PTCH1: variants seen among roughly 807,000 people sequenced by gnomAD.
The protein encoded by PTCH1 is patched 1.
Under a neutral mutation model 144.6 loss-of-function variants are expected in PTCH1, and 14 were observed. The observed-to-expected ratio is 0.10, with a 90% confidence interval of 0.06 to 0.15. PTCH1 has a LOEUF of 0.15. Ranked by LOEUF, PTCH1 falls within the 10% of genes least tolerant of loss-of-function variation. PTCH1 has a pLI of 1.00. For synonymous variants in PTCH1, 833 were observed against 793.6 expected (o/e 1.05, Z -0.83); for missense variants, 1,623 against 1,948.3 (o/e 0.83, Z 3.14).
intron 23 of PTCH1, 68 bp from the exon 24 acceptor site, chr9:95,446,459 C>G: frequency 2.0e-6 from 1 of 510,840 alleles, no homozygotes; most frequent in African/African-American, 1.9e-5. Flanking sequence ...TTATAAAGTA[C>G]AAAAGCAGGC....
At chr9:95,478,948 T>C (rs1402221305) in intron 8 of PTCH1, 52 bp downstream of exon 8, 2 of 1,612,282 alleles carry the variant, frequency 1.2e-6, no homozygotes, top group Admixed American at 3.3e-5. Context: ...ATGGTGAAAA[T>C]GAAGAATTGC....
intron 2 of PTCH1, 162 bp downstream of exon 2, chr9:95,506,245 C>G (rs1843618103): frequency 5.1e-6 from 4 of 790,898 alleles, no homozygotes; most frequent in Non-Finnish European, 7.6e-6. Context: ...GTCGGGCGGG[C>G]CTGGCTCCCG....
In PTCH1 at chr9:95,453,377, G is replaced by A. The variant is rs376806750; in HGVS notation, c.3449+101C>T. Reference sequence around the variant, plus strand: ...AACTCCTTGACCTTCTGATCCACCCGCCTCGGCCTCCTAAAGTGCTGGGAT... The same window carrying A: ...AACTCCTTGACCTTCTGATCCACCCACCTCGGCCTCCTAAAGTGCTGGGAT... On this transcript the variant is annotated intron_variant, in intron 20 of 23. Transcript: ENST00000331920. The A allele has an allele frequency of 2.9e-5, 45 of 1,553,144 alleles. No individual in the cohort carries two copies. The East Asian group carries it at 8.2e-4, about 28-fold the overall frequency.
At chr9:95,513,688 A>G (rs918824836), upstream of PTCH1, among the ~76,000 whole-genome samples, 14 of 152,312 alleles carry the variant, frequency 9.2e-5, no homozygotes, top group Admixed American at 3.3e-4. Flanking sequence ...GTGATGGTAG[A>G]AAATGAGTCT....
intron 2 of PTCH1, 156 bp downstream of exon 2, chr9:95,506,251 T>C: frequency 1.2e-6 from 1 of 863,298 alleles, no homozygotes; most frequent in Non-Finnish European, 1.7e-6. Context: ...CGGGCCTGGC[T>C]CCCGGCCAGG....
chr9:95,476,835 C>T lies in PTCH1; in HGVS notation c.1526G>A (p.Gly509Asp), dbSNP rs1060502268. ...TTQVLPFLAL[G>D]VGVDDVFLLA... ...AAGAAAAACATCATCCACACCAACA[C>T]CAAGAGCGAGAAATGGCAAAACCTA... The change falls in exon 11 of 24, where the codon GGT becomes GAT. Residue 509 changes from glycine to aspartate, a missense_variant. By Grantham distance (94) the Gly-to-Asp change is moderately conservative. Coordinates refer to ENST00000331920, the MANE Select transcript of PTCH1 (RefSeq NM_000264.5). This position sits in a 1 kb window ranked among gnomAD's most constrained non-coding sequence, Gnocchi z 4.6. 6.2e-7 allele frequency: 1 copy of T among 1,614,034 alleles called. No individual in the cohort carries two copies.
rs202052415 is a variant in PTCH1, at chr9:95,456,335, C to T, written c.3247G>A (p.Val1083Met). ...CCAACAGAAGCGATCAGGATGACCACGGGCACGGCACTGAGCTTGATTCCG... is the reference window on the plus strand; with the variant it reads ...CCAACAGAAGCGATCAGGATGACCATGGGCACGGCACTGAGCTTGATTCCG... ...LIGIKLSAVP[V>M]VILIASVGIG... Residue 1083 changes from valine to methionine, a missense_variant, in exon 19 of 24, where the codon GTG becomes ATG. Val to Met is a conservative substitution (Grantham distance 21). This residue lies in a region of PTCH1 where 504 missense variants were observed against 679.3 expected (regional missense o/e 0.74). Transcript: ENST00000331920. 5.7e-5 allele frequency: 92 copies of T among 1,614,084 alleles called. No individual in the cohort carries two copies. Among genetic ancestry groups the T allele is most frequent in the South Asian group, 3.2e-4 (29 of 91,088 alleles).
chr9:95,475,493 AC>A (rs2118234244), intron 12 of PTCH1, among the ~76,000 whole-genome samples: 1 of 152,270 alleles, frequency 6.6e-6, no homozygotes, highest in East Asian at 1.9e-4. Flanking sequence ...ACCGAGGCGG[AC>A]CCTGCAGGAA....
rs1843998494 is a variant in PTCH1 at position 95,509,121 on chromosome 9, G to A, written c.-760C>T. ...TGTCCCCGTGCAGCGCGCCTCTCTC[G>A]CTCCCGGGACCTGGGGACTCCGCTC... On this transcript the variant is annotated 5_prime_UTR_variant, in exon 1 of 24. Coordinates refer to ENST00000331920, the MANE Select transcript of PTCH1 (RefSeq NM_000264.5). Among the ~76,000 whole-genome samples, 1 of 152,060 alleles carries A rather than the reference G, an allele frequency of 6.6e-6. No individual in the cohort carries two copies. Among genetic ancestry groups the A allele is most frequent in the Non-Finnish European group, 1.5e-5 (1 of 67,990 alleles).
intron 1 of PTCH1, chr9:95,507,750 A>T (rs889192038): frequency 1.4e-5 from 3 of 212,384 alleles, no homozygotes; most frequent in Non-Finnish European, 2.5e-5. Flanking sequence ...GCAGCCGTAC[A>T]GGAGTTTAGG....
chr9:95,476,640 C>T lies in PTCH1; in HGVS notation c.1602+119G>A. 1.0e-6 allele frequency: 1 copy of T among 956,838 alleles called. No individual in the cohort carries two copies. The highest frequency in any genetic ancestry group is 1.6e-6 in the Non-Finnish European group (1 of 607,146). The allele number at this position is 956,838 out of a possible 1,614,324, so 59.3% of individuals were successfully genotyped here. ...CATTGACTGGCAGCCAGTGACACATCATCTGACATGGGACTGAAATCTTTA... is the reference window on the plus strand; with the variant it reads ...CATTGACTGGCAGCCAGTGACACATTATCTGACATGGGACTGAAATCTTTA... On this transcript the variant is annotated intron_variant, in intron 11 of 23. Coordinates refer to ENST00000331920, the MANE Select transcript of PTCH1 (RefSeq NM_000264.5). The surrounding 1 kb of genome is among the most constrained non-coding windows in gnomAD (Gnocchi z 4.6).
chr9:95,449,957 A>G lies in PTCH1; in HGVS notation c.3450-17T>C. On this transcript the variant is annotated splice_polypyrimidine_tract_variant and intron_variant, in intron 20 of 23. Transcript: ENST00000331920. The surrounding 1 kb of genome is among the most constrained non-coding windows in gnomAD (Gnocchi z 5.3). ...AAGAAATACCTGGGAGATCAAGAGG[A>G]AACGGGAACACGCGCTGTGACAGGG... 6.2e-7 allele frequency: 1 copy of G among 1,606,664 alleles called. No homozygotes were observed. Among genetic ancestry groups the G allele is most frequent in the Non-Finnish European group, 8.5e-7 (1 of 1,173,334 alleles).
At chr9:95,478,690 T>C (rs1426729569) in intron 8 of PTCH1, among the ~76,000 whole-genome samples, 1 of 152,138 alleles carries the variant, frequency 6.6e-6, no homozygotes, top group Non-Finnish European at 1.5e-5. Context: ...ACAGATTCTA[T>C]GCCTTGCTAA....
intron 8 of PTCH1, 148 bp downstream of exon 8, chr9:95,478,849 AAAG>A (rs1324533709): frequency 1.0e-5 from 13 of 1,239,628 alleles, no homozygotes; most frequent in African/African-American, 3.0e-5. Flanking sequence ...TTTCAATATC[AAAG>A]AAGAGGAAAA....
intron 2 of PTCH1, among the ~76,000 whole-genome samples, chr9:95,501,338 G>C (rs947046055): frequency 6.6e-6 from 1 of 151,992 alleles, no homozygotes; most frequent in Non-Finnish European, 1.5e-5. Flanking sequence ...AACAACAGAG[G>C]ATGATCCAGC....
intron 3 of PTCH1, chr9:95,483,741 A>G (rs988926923): frequency 1.3e-5 from 2 of 152,142 alleles, no homozygotes; most frequent in African/African-American, 2.4e-5. Flanking sequence ...TAACTTACCC[A>G]TATCTCCGCC....
At chr9:95,484,713 C>A (rs1841838761) in intron 3 of PTCH1, among the ~76,000 whole-genome samples, 1 of 152,088 alleles carries the variant, frequency 6.6e-6, no homozygotes, top group Admixed American at 6.5e-5. Flanking sequence ...ATGCCAACCT[C>A]AAAAGCAATC....
chr9:95,467,535 A>G, intron 14 of PTCH1, 110 bp from the exon 15 acceptor site: 3 of 1,085,938 alleles, frequency 2.8e-6, no homozygotes, highest in Non-Finnish European at 4.1e-6. Context: ...ACTTAAACTG[A>G]TTTATCTTGT....
rs2136600565 is a variant in PTCH1 at position 95,449,226 on chromosome 9, C to A, written c.3647G>T (p.Ser1216Ile). The A allele has an allele frequency of 1.3e-6, 2 of 1,595,144 alleles. No individual in the cohort carries two copies. The highest frequency in any genetic ancestry group is 1.8e-5 in the Admixed American group (1 of 56,246). ...RFAMPPGHTH[S>I]GSDSSDSEYS... Reference sequence around the variant, plus strand: ...CTCCGAGTCGGAGGAATCAGACCCGCTGTGCGTGTGGCCGGGCGGCATGGC... The same window carrying A: ...CTCCGAGTCGGAGGAATCAGACCCGATGTGCGTGTGGCCGGGCGGCATGGC... Residue 1216 changes from serine (S) to isoleucine (I), a missense_variant, in exon 22 of 24, where the codon AGC becomes ATC. Physicochemically the swap from Ser to Ile is moderately radical, Grantham distance 142 (BLOSUM62 -2). Around this residue, in one of 7 missense-constraint regions of PTCH1, gnomAD observed 504 missense variants for 679.3 expected, o/e 0.74. Coordinates refer to ENST00000331920, the MANE Select transcript of PTCH1 (RefSeq NM_000264.5). The surrounding 1 kb of genome is among the most constrained non-coding windows in gnomAD (Gnocchi z 5.3).
Sources: allele counts gnomAD v4.1 joint callset (sites outside exome capture counted in the v4.1 genomes callset), GRCh38; gene constraint gnomAD v4.1.1; regional missense constraint gnomAD v4.1.1; non-coding constraint Gnocchi (gnomAD v3.1); transcripts MANE v1.5; gene names NCBI Gene and HGNC (gene_info 2026-07-23, HGNC 2026-07-21).